Variants in PXDN observed in about 807,000 individuals in gnomAD.
PXDN encodes the protein peroxidasin homolog.
In PXDN, 77 loss-of-function variants were observed where a neutral mutation model predicts 140.3. The ratio of observed to expected loss-of-function variants is 0.55; its 90% confidence interval spans 0.46 to 0.66. The LOEUF (loss-of-function observed/expected upper bound fraction) is 0.66. PXDN is among the 30% of genes least tolerant of loss of function. The pLI is 0.00. For missense variants in PXDN, 1,838 were observed against 2,039.5 expected (o/e 0.90, Z 1.90); for synonymous variants, 911 against 857.4 (o/e 1.06, Z -1.09).
At chr2:1,728,413 G>C (rs977229673) in intron 1 of PXDN, among the ~76,000 whole-genome samples, 1 of 152,238 alleles carries the variant, frequency 6.6e-6, no homozygotes, top group Non-Finnish European at 1.5e-5. Flanking sequence ...ATTATTTGCA[G>C]ATTCCAAATT....
chr2:1,682,792 T>C (rs1683945531), intron 6 of PXDN, among the ~76,000 whole-genome samples: 1 of 151,868 alleles, frequency 6.6e-6, no homozygotes, highest in Non-Finnish European at 1.5e-5. Flanking sequence ...ATACCAAAAT[T>C]AGCCAGGCGT....
intron 1 of PXDN, among the ~76,000 whole-genome samples, chr2:1,702,791 G>A (rs1684466809): frequency 6.6e-6 from 1 of 152,008 alleles, no homozygotes; most frequent in Non-Finnish European, 1.5e-5. Flanking sequence ...ACTACGCCCA[G>A]CTAATTTTTT....
intron 14 of PXDN, among the ~76,000 whole-genome samples, chr2:1,656,710 C>A (rs1439533751): frequency 1.3e-5 from 2 of 151,300 alleles, no homozygotes; most frequent in South Asian, 2.1e-4. Context: ...CCCGCCCCCA[C>A]CTGACTGAAA....
intron 1 of PXDN, among the ~76,000 whole-genome samples, chr2:1,738,257 A>G (rs1173029762): frequency 6.6e-6 from 1 of 152,216 alleles, no homozygotes; most frequent in Non-Finnish European, 1.5e-5. Context: ...GTTGGGAAGT[A>G]CGAGAGAGCT....
In PXDN at chr2:1,709,419, G is replaced by A. The variant is rs1280382097; in HGVS notation, c.201-16285C>T. Among the ~76,000 whole-genome samples, 3 of 152,202 alleles carry A rather than the reference G, an allele frequency of 2.0e-5. 1 individual carries two copies. Among genetic ancestry groups the A allele is most frequent in the Admixed American group, 2.0e-4 (3 of 15,284 alleles). ...CTGTGCACGGCCCCACAGAAGACAGGGTGAGGAAAGGACCTCTAACGGAAG... is the reference window on the plus strand; with the variant it reads ...CTGTGCACGGCCCCACAGAAGACAGAGTGAGGAAAGGACCTCTAACGGAAG... On this transcript the variant is annotated intron_variant, in intron 1 of 22. Coordinates refer to ENST00000252804, the MANE Select transcript of PXDN (RefSeq NM_012293.3).
Position 1,663,033 on chromosome 2 carries a change from A to G in PXDN, c.1567+572T>C, listed in dbSNP as rs73910821. Among the ~76,000 whole-genome samples the G allele has an allele frequency of 2.6e-3, 395 of 152,348 alleles. 3 individuals are homozygous for G. The highest frequency in any genetic ancestry group is 9.3e-3 in the African/African-American group (388 of 41,594). On this transcript the variant is annotated intron_variant, in intron 12 of 22. Coordinates refer to ENST00000252804, the MANE Select transcript of PXDN (RefSeq NM_012293.3). ...CTGGGCCAGGGGCCTTCGCTCTTGC[A>G]GAGGCCACAATCAGTGCTACGCTGA...
At chr2:1,655,032 C>T (rs1683097294) in intron 14 of PXDN, among the ~76,000 whole-genome samples, 1 of 152,016 alleles carries the variant, frequency 6.6e-6, no homozygotes, top group Non-Finnish European at 1.5e-5. Flanking sequence ...ACACACACCA[C>T]ACACCACACA....
rs1683733006 is a variant in PXDN, at chr2:1,676,941, G to T, written c.834C>A (p.Ile278=). The stretch of plus-strand genomic sequence containing the variant: ...CCCCAACTCACTTGTTTCGCAGCCA[G>T]ATGATCTCAGGCTTGGGGTTGCCTT... ...RAEGNPKPEI[I]WLRNNNELSM... Residue 278 remains isoleucine (I), a synonymous_variant, in exon 8 of 23, where the codon ATC becomes ATA. Coordinates refer to ENST00000252804, the MANE Select transcript of PXDN (RefSeq NM_012293.3). The T allele has an allele frequency of 6.2e-7, 1 of 1,612,306 alleles. No individual in the cohort carries two copies. Among genetic ancestry groups the T allele is most frequent in the East Asian group, 2.2e-5 (1 of 44,842 alleles).
rs540029637 is a variant in PXDN at position 1,741,416 on chromosome 2, C to G, written c.200+2840G>C. ...CCAACAGCAAGGCCAAACCGCCGAC[C>G]GAGCAGCACAGGGCGCGGGCTCCTG... On this transcript the variant is annotated intron_variant, in intron 1 of 22. Transcript: ENST00000252804. Among the ~76,000 whole-genome samples the G allele has an allele frequency of 2.1e-4, 32 of 152,216 alleles. 1 individual carries two copies. The South Asian group carries it at 6.7e-3, about 32-fold the overall frequency.
chr2:1,715,744 G>A (rs974144601), intron 1 of PXDN, among the ~76,000 whole-genome samples: 3 of 152,280 alleles, frequency 2.0e-5, no homozygotes, highest in Admixed American at 6.5e-5. Context: ...AGACCAGAGC[G>A]GCAGGTAACT....
At chr2:1,676,517 G>A (rs1337952821) in intron 8 of PXDN, 1 of 215,248 alleles carries the variant, frequency 4.6e-6, no homozygotes, top group South Asian at 8.3e-5. Context: ...CAGAGGTCAG[G>A]GCCCCTCCCG....
At chr2:1,715,859 T>C (rs1684882461) in intron 1 of PXDN, among the ~76,000 whole-genome samples, 1 of 152,194 alleles carries the variant, frequency 6.6e-6, no homozygotes, top group Non-Finnish European at 1.5e-5. Flanking sequence ...TGTGTGCGTA[T>C]GACACAGACA....
rs1157699250 is a variant in PXDN, at chr2:1,648,578, C to T, written c.3202G>A (p.Ala1068Thr). 14 of 1,613,642 alleles carry T rather than the reference C, an allele frequency of 8.7e-6. No individual in the cohort carries two copies. Among genetic ancestry groups the T allele is most frequent in the South Asian group, 1.1e-5 (1 of 91,080 alleles). The part of the protein sequence containing the change: ...NAGIFNAFAT[A>T]AFRFGHTLVN... ...AGCGTGTGGCCAAACCTGAAGGCCG[C>T]GGTGGCGAAGGCGTTGAAGATGCCA... The change falls in exon 17 of 23, where the codon GCG becomes ACG. Residue 1068 changes from alanine (A) to threonine (T), a missense_variant. By Grantham distance (58) the Ala-to-Thr change is moderately conservative (BLOSUM62 0). Transcript: ENST00000252804. This position sits in a 1 kb window ranked among gnomAD's most constrained non-coding sequence, Gnocchi z 8.9.
In PXDN at chr2:1,744,329, A is replaced by G. The variant is rs1685638469; in HGVS notation, c.127T>C (p.Phe43Leu). ...GAGCPSRCLC[F>L]RTTVRCMHLL... ...TGCATGCAGCGCACGGTGGTGCGGA[A>G]GCACAGGCAGCGGCTCGGACACCCT... Residue 43 changes from phenylalanine to leucine, a missense_variant, in exon 1 of 23, where the codon TTC becomes CTC. Transcript: ENST00000252804. 5 of 1,528,070 alleles carry G rather than the reference A, an allele frequency of 3.3e-6. No individual in the cohort carries two copies. In the South Asian group the frequency reaches 3.6e-5, roughly 11 times the overall value. 94.7% of individuals were successfully genotyped at this position (1,528,070 alleles called of 1,614,324 possible).
In PXDN at chr2:1,648,975, C is replaced by T; in HGVS notation, c.2805G>A (p.Leu935=). ...SIRDLASHRG[L]LRQGIVQRSG... Reference sequence around the variant, plus strand: ...ACCGCTGCACGATGCCCTGCCGCAGCAGGCCGCGGTGGCTGGCCAGGTCGC... The same window carrying T: ...ACCGCTGCACGATGCCCTGCCGCAGTAGGCCGCGGTGGCTGGCCAGGTCGC... Residue 935 remains leucine (L), a synonymous_variant, in exon 17 of 23, where the codon CTG becomes CTA. Transcript: ENST00000252804. This position sits in a 1 kb window ranked among gnomAD's most constrained non-coding sequence, Gnocchi z 8.9. The T allele has an allele frequency of 6.2e-7, 1 of 1,606,522 alleles. No individual in the cohort carries two copies. Among genetic ancestry groups the T allele is most frequent in the South Asian group, 1.1e-5 (1 of 90,760 alleles).
chr2:1,704,582 G>A (rs1684541228), intron 1 of PXDN, among the ~76,000 whole-genome samples: 2 of 101,346 alleles, frequency 2.0e-5, no homozygotes, highest in Admixed American at 1.2e-4. Context: ...CAGGTGAAGG[G>A]GGGACAGCTC....
chr2:1,720,853 T>C (rs550452792), intron 1 of PXDN, among the ~76,000 whole-genome samples: 75 of 152,168 alleles, frequency 4.9e-4, no homozygotes, highest in African/African-American at 1.7e-3. Flanking sequence ...CCGCAGCTGG[T>C]TGGACCTGGG....
chr2:1,659,289 A>G (rs1683249340), intron 14 of PXDN, among the ~76,000 whole-genome samples: 1 of 152,232 alleles, frequency 6.6e-6, no homozygotes, highest in Non-Finnish European at 1.5e-5. Flanking sequence ...TGGACAACTC[A>G]AATGGCTGAA....
At chr2:1,635,623 AAAC>A in intron 21 of PXDN, 102 bp from the exon 22 acceptor site, 1 of 886,504 alleles carries the variant, frequency 1.1e-6, no homozygotes, top group Non-Finnish European at 1.8e-6. Flanking sequence ...GCCTTAAAAT[AAAC>A]AACATTTGAG....
Sources: allele counts gnomAD v4.1 joint callset (sites outside exome capture counted in the v4.1 genomes callset), GRCh38; gene constraint gnomAD v4.1.1; non-coding constraint Gnocchi (gnomAD v3.1); transcripts MANE v1.5; gene names NCBI Gene and HGNC (gene_info 2026-07-23, HGNC 2026-07-21).